CAMTA2: variants seen among roughly 807,000 people sequenced by gnomAD.
CAMTA2 encodes the protein calmodulin binding transcription activator 2, also known as calmodulin-binding transcription activator 2.
A neutral mutation model predicts 135.7 loss-of-function variants in CAMTA2; 56 were observed. That is an observed-to-expected ratio of 0.41 (90% CI 0.33 to 0.52). CAMTA2 has a LOEUF of 0.52. Ranked by LOEUF, CAMTA2 falls within the 20% of genes least tolerant of loss-of-function variation. The pLI, the probability that CAMTA2 is intolerant of heterozygous loss-of-function variation, is 0.16. For missense variants in CAMTA2, 1,358 were observed against 1,553.4 expected, an observed-to-expected ratio of 0.87 and a Z score of 2.11; for synonymous variants, 591 against 604.6, an observed-to-expected ratio of 0.98 and a Z score of 0.33.
At position 4,969,057 on chromosome 17, in the gene CAMTA2, G is replaced by A; in HGVS notation, c.3471-76C>T. On this transcript the variant is annotated intron_variant, in intron 21 of 22. Coordinates refer to ENST00000348066, the MANE Select transcript of CAMTA2 (RefSeq NM_015099.4). This position sits in a 1 kb window ranked among gnomAD's most constrained non-coding sequence, Gnocchi z 5.6. Reference sequence around the variant, plus strand: ...GGCCCCCCCAGGAACCCTAGGCAGGGAATGGCAGTGAGGCATGATGATCAA... The same window carrying A: ...GGCCCCCCCAGGAACCCTAGGCAGGAAATGGCAGTGAGGCATGATGATCAA... The A allele has an allele frequency of 6.3e-7, 1 of 1,582,592 alleles. No individual in the cohort carries two copies. Among genetic ancestry groups the A allele is most frequent in the Non-Finnish European group, 8.6e-7 (1 of 1,156,334 alleles).
chr17:4,987,063 GGGA>G, intron 1 of CAMTA2: 1 of 1,403,728 alleles, frequency 7.1e-7, no homozygotes, highest in Non-Finnish European at 9.2e-7. Context: ...GGATGGAGAT[GGGA>G]GGAGGCCCGT....
chr17:4,973,495 G>C (rs1305744283), intron 13 of CAMTA2, 90 bp downstream of exon 13: 3 of 1,351,306 alleles, frequency 2.2e-6, no homozygotes, highest in Admixed American at 4.2e-5. Flanking sequence ...CTCCCTCTTG[G>C]TAGGGCCCCA....
chr17:4,986,103 G>A, intron 2 of CAMTA2, 89 bp downstream of exon 2: 2 of 1,110,614 alleles, frequency 1.8e-6, no homozygotes, highest in Non-Finnish European at 2.8e-6. Flanking sequence ...TCACTAAGGA[G>A]AACAGAAAAT....
Position 4,969,515 on chromosome 17 carries a change from G to A in CAMTA2, c.3267C>T (p.Thr1089=). ...QRCYRKYKQL[T]WIALKFALYK... is the part of the protein sequence containing the mutation. ...TGCCTAATACCTTAAGTGCAATCCA[G>A]GTCAGCTTGTGGAGAGAGAAGGGGA... Residue 1089 remains threonine, a synonymous_variant, in exon 20 of 23, where the codon ACC becomes ACT. Coordinates refer to ENST00000348066, the MANE Select transcript of CAMTA2 (RefSeq NM_015099.4). The surrounding 1 kb of genome is among the most constrained non-coding windows in gnomAD (Gnocchi z 5.6). The A allele has an allele frequency of 1.9e-6, 3 of 1,614,140 alleles. No homozygotes were observed. Among genetic ancestry groups the A allele is most frequent in the Non-Finnish European group, 2.5e-6 (3 of 1,180,018 alleles).
intron 5 of CAMTA2, 147 bp downstream of exon 5, chr17:4,982,610 C>A (rs1427062195): frequency 2.3e-6 from 2 of 879,960 alleles, no homozygotes; most frequent in African/African-American, 3.4e-5. Flanking sequence ...AAAGCAATGT[C>A]AGCCGACCCA....
chr17:4,983,179 C>T (rs572363525), intron 3 of CAMTA2, 136 bp from the exon 4 acceptor site: 2 of 715,876 alleles, frequency 2.8e-6, no homozygotes, highest in African/African-American at 1.8e-5. Context: ...TATCTGGACC[C>T]AGCAAGACCC....
chr17:4,987,254 G>C, intron 1 of CAMTA2: 1 of 1,343,694 alleles, frequency 7.4e-7, no homozygotes, highest in South Asian at 2.0e-5. Flanking sequence ...CGGCGGAGTG[G>C]TGGTCCCAGG....
rs372800938 is a variant in CAMTA2, at chr17:4,973,006, G to A, written c.2281-15C>T. Reference sequence around the variant, plus strand: ...CAAGCCCACATCTGAGGAAGGGGGCGGGACAGGCGGAGACGGAGGTGGAGG... The same window carrying A: ...CAAGCCCACATCTGAGGAAGGGGGCAGGACAGGCGGAGACGGAGGTGGAGG... On this transcript the variant is annotated splice_polypyrimidine_tract_variant and intron_variant, in intron 14 of 22. Transcript: ENST00000348066. 3.5e-4 allele frequency: 568 copies of A among 1,603,504 alleles called. 1 individual carries two copies. The highest frequency in any genetic ancestry group is 4.3e-4 in the Non-Finnish European group (502 of 1,172,384).
Position 4,981,254 on chromosome 17 carries a change from G to A in CAMTA2, c.671C>T (p.Thr224Ile), listed in dbSNP as rs140321026. The change falls in exon 8 of 23, where the codon ACC becomes ATC. Residue 224 changes from threonine (T) to isoleucine (I), a missense_variant. Transcript: ENST00000348066. ...DTHPTKPAPR[T>I]HACLCSGGLG... ...CCCCCCACTGCAGAGACAGGCGTGG[G>A]TTCGGGGAGCAGGCTTGGTTGGGTG... The A allele has an allele frequency of 1.9e-6, 3 of 1,614,060 alleles. No homozygotes were observed. Among genetic ancestry groups the A allele is most frequent in the Non-Finnish European group, 1.7e-6 (2 of 1,180,006 alleles).
In CAMTA2 at chr17:4,978,545, G is replaced by A; in HGVS notation, c.1724C>T (p.Ala575Val). 1 of 1,614,106 alleles carries A rather than the reference G, an allele frequency of 6.2e-7. No homozygotes were observed. Among genetic ancestry groups the A allele is most frequent in the Non-Finnish European group, 8.5e-7 (1 of 1,179,956 alleles). The part of the protein sequence containing the change: ...SCVFDHIAVP[A>V]SLVQPGVLRC... ...TAAGACACCAGGCTGGACAAGTGAG[G>A]CTGGCACTGCGATGTGATCAAAGAC... The change falls in exon 10 of 23, where the codon GCC becomes GTC. Residue 575 changes from alanine (A) to valine (V), a missense_variant. Physicochemically the swap from Ala to Val is moderately conservative, Grantham distance 64. Around this residue, in one of 4 missense-constraint regions of CAMTA2, gnomAD observed 1,077 missense variants for 1,127.5 expected, o/e 0.96. Coordinates refer to ENST00000348066, the MANE Select transcript of CAMTA2 (RefSeq NM_015099.4).
At position 4,980,713 on chromosome 17, in the gene CAMTA2, G is replaced by T. The variant is rs766898418; in HGVS notation, c.701-92C>A. 4 of 988,836 alleles carry T rather than the reference G, an allele frequency of 4.0e-6. No homozygotes were observed. Among genetic ancestry groups the T allele is most frequent in the Non-Finnish European group, 6.3e-6 (4 of 634,924 alleles). 61.3% of individuals were successfully genotyped at this position (988,836 alleles called of 1,614,324 possible). ...GGCCCTTAAAAGTATTTCCTGGGAC[G>T]TCCCTATAAACCAGAGGTGTAATAC... On this transcript the variant is annotated intron_variant, in intron 8 of 22. Coordinates refer to ENST00000348066, the MANE Select transcript of CAMTA2 (RefSeq NM_015099.4). The surrounding 1 kb of genome is among the most constrained non-coding windows in gnomAD (Gnocchi z 5.3).
chr17:4,981,568 G>T, intron 7 of CAMTA2, 110 bp downstream of exon 7: 1 of 1,370,230 alleles, frequency 7.3e-7, no homozygotes, highest in Non-Finnish European at 1.0e-6. Context: ...CACCCTCCCA[G>T]CTTGGAGGGA....
chr17:4,968,847 G>A lies in CAMTA2; in HGVS notation c.3546-28C>T, dbSNP rs1291037860. 4.3e-6 allele frequency: 7 copies of A among 1,612,790 alleles called. No individual in the cohort carries two copies. The East Asian group carries it at 6.7e-5, about 15-fold the overall frequency. The stretch of plus-strand genomic sequence containing the variant: ...GCAGAGAGAAAGATAGGAGTCAGAG[G>A]AGACTGGCGGATCACGACGGGTGGC... On this transcript the variant is annotated intron_variant, in intron 22 of 22. Transcript: ENST00000348066.
intron 13 of CAMTA2, 51 bp from the exon 14 acceptor site, chr17:4,973,304 C>T: frequency 6.8e-7 from 1 of 1,460,154 alleles, no homozygotes; most frequent in Non-Finnish European, 9.6e-7. Context: ...AAAAAGTGGG[C>T]AAAGCAGGAA....
rs1972397043 is a variant in CAMTA2, at chr17:4,973,000, G to A, written c.2281-9C>T. The A allele has an allele frequency of 6.2e-7, 1 of 1,609,660 alleles. No homozygotes were observed. Among genetic ancestry groups the A allele is most frequent in the East Asian group, 2.2e-5 (1 of 44,880 alleles). ...AGGGCACAAGCCCACATCTGAGGAA[G>A]GGGGCGGGACAGGCGGAGACGGAGG... On this transcript the variant is annotated splice_polypyrimidine_tract_variant and intron_variant, in intron 14 of 22. Coordinates refer to ENST00000348066, the MANE Select transcript of CAMTA2 (RefSeq NM_015099.4).
At chr17:4,986,983 C>A in intron 1 of CAMTA2, 2 of 1,472,128 alleles carry the variant, frequency 1.4e-6, no homozygotes, top group South Asian at 1.3e-5. Context: ...CCAGCCTGAG[C>A]CCCCCGCCCT....
Position 4,969,949 on chromosome 17 carries a change from G to C in CAMTA2, c.3142C>G (p.Leu1048Val). ...TGGATGACTCGGGCAGCCTCATACAGTTCCCGCTGCTCGTGATCTGATAGT... is the reference window on the plus strand; with the variant it reads ...TGGATGACTCGGGCAGCCTCATACACTTCCCGCTGCTCGTGATCTGATAGT... ...LTLSDHEQRELYEAARVIQTA... is the reference protein window; with the variant it reads ...LTLSDHEQREVYEAARVIQTA... The change falls in exon 18 of 23, where the codon CTG becomes GTG. Residue 1048 changes from leucine to valine, a missense_variant. By Grantham distance (32) the Leu-to-Val change is conservative. Coordinates refer to ENST00000348066, the MANE Select transcript of CAMTA2 (RefSeq NM_015099.4). This position sits in a 1 kb window ranked among gnomAD's most constrained non-coding sequence, Gnocchi z 5.6. The C allele has an allele frequency of 1.2e-6, 2 of 1,614,234 alleles. No homozygotes were observed.
At position 4,978,997 on chromosome 17, in the gene CAMTA2, AG is replaced by A. The variant is rs760529344; in HGVS notation, c.1639-368del. ...ACAGAACTTCTCCACTGCTGAAGAC[AG>A]TCTTTCAGCTACTCAAAGTCTGCAA... is the stretch of plus-strand genomic sequence containing the variant. On this transcript the variant is annotated intron_variant, in intron 9 of 22. Coordinates refer to ENST00000348066, the MANE Select transcript of CAMTA2 (RefSeq NM_015099.4). Among the ~76,000 whole-genome samples the A allele has an allele frequency of 3.9e-4, 60 of 152,234 alleles. 1 individual carries two copies. The highest frequency in any genetic ancestry group is 3.0e-3 in the Admixed American group (46 of 15,282).
At chr17:4,982,933 C>T (rs1973051802) in intron 4 of CAMTA2, 41 bp from the exon 5 acceptor site, 2 of 1,614,012 alleles carry the variant, frequency 1.2e-6, no homozygotes, top group Non-Finnish European at 1.7e-6. Flanking sequence ...GTGAACAGAA[C>T]CCAGGACCCC....
Sources: allele counts gnomAD v4.1 joint callset (sites outside exome capture counted in the v4.1 genomes callset), GRCh38; gene constraint gnomAD v4.1.1; regional missense constraint gnomAD v4.1.1; non-coding constraint Gnocchi (gnomAD v3.1); transcripts MANE v1.5; gene names NCBI Gene and HGNC (gene_info 2026-07-23, HGNC 2026-07-21).